Variants in PRKG1 observed in about 807,000 individuals in gnomAD.
PRKG1 encodes the protein protein kinase cGMP-dependent 1.
In PRKG1, 35 loss-of-function variants were observed where a neutral mutation model predicts 88.1. The observed-to-expected ratio is 0.40, with a 90% CI of 0.30 to 0.53. The LOEUF is 0.53. Among genes scored for constraint, PRKG1 ranks in the 20% least tolerant of loss-of-function variants. The probability of loss-of-function intolerance (pLI) is 0.59; values close to 1 mark genes in which losing one functional copy is unlikely to be tolerated. For missense variants in PRKG1, 540 were observed against 839.8 expected, an observed-to-expected ratio of 0.64 and a Z score of 4.41; for synonymous variants, 303 against 292.5, an observed-to-expected ratio of 1.04 and a Z score of -0.37.
intron 3 of PRKG1, among the ~76,000 whole-genome samples, chr10:51,614,073 A>C (rs1838981876): frequency 6.6e-6 from 1 of 151,842 alleles, no homozygotes; most frequent in South Asian, 2.1e-4. Flanking sequence ...TGATTTGTCT[A>C]ATGCTGAGAG....
chr10:52,198,882 G>C (rs1421683777), intron 9 of PRKG1, among the ~76,000 whole-genome samples: 2 of 151,912 alleles, frequency 1.3e-5, no homozygotes, highest in South Asian at 4.2e-4. Context: ...GCATACTTGA[G>C]ATAGTATTTA....
intron 2 of PRKG1, among the ~76,000 whole-genome samples, chr10:51,232,135 G>A (rs1290818835): frequency 6.6e-6 from 1 of 152,122 alleles, no homozygotes; most frequent in Non-Finnish European, 1.5e-5. Context: ...AGCAATTTCT[G>A]TGGGCATGTG....
At chr10:52,023,673 C>A (rs960834027) in intron 5 of PRKG1, among the ~76,000 whole-genome samples, 4 of 152,246 alleles carry the variant, frequency 2.6e-5, no homozygotes, top group African/African-American at 9.6e-5. Context: ...CCAGTGATGG[C>A]GAGCATTTTT....
intron 2 of PRKG1, among the ~76,000 whole-genome samples, chr10:51,340,902 A>G (rs866631258): frequency 6.6e-6 from 1 of 152,146 alleles, no homozygotes; most frequent in African/African-American, 2.4e-5. Flanking sequence ...TTAAAAACCA[A>G]AGTTCTCAGT....
intron 2 of PRKG1, among the ~76,000 whole-genome samples, chr10:51,437,143 A>G (rs546210605): frequency 2.6e-4 from 39 of 152,090 alleles, no homozygotes; most frequent in Non-Finnish European, 4.4e-4. Context: ...ACTAGGAGAG[A>G]TAATTTTTCC....
At chr10:52,012,466 TCTC>T (rs1342196521) in intron 5 of PRKG1, among the ~76,000 whole-genome samples, 1 of 152,020 alleles carries the variant, frequency 6.6e-6, no homozygotes, top group Non-Finnish European at 1.5e-5. Context: ...ATGGTCTCGA[TCTC>T]CTGACCTCGT....
chr10:51,603,287 A>T (rs1290211351), intron 3 of PRKG1, among the ~76,000 whole-genome samples: 1 of 152,176 alleles, frequency 6.6e-6, no homozygotes, highest in Admixed American at 6.5e-5. Flanking sequence ...ACTATAAGGC[A>T]CACTAGAAAC....
At chr10:52,293,701 A>G in intron 17 of PRKG1, 101 bp from the exon 18 acceptor site, 2 of 873,922 alleles carry the variant, frequency 2.3e-6, no homozygotes, top group Admixed American at 2.0e-5. Context: ...ACTCAATGAA[A>G]TAGTCACTAA....
intron 1 of PRKG1, among the ~76,000 whole-genome samples, chr10:51,137,611 T>G (rs1190263449): frequency 6.6e-6 from 1 of 152,128 alleles, no homozygotes; most frequent in East Asian, 1.9e-4. Flanking sequence ...TAAATTTTCT[T>G]GAAAGAAAAG....
intron 1 of PRKG1, among the ~76,000 whole-genome samples, chr10:51,108,035 C>A (rs764076015): frequency 2.6e-5 from 4 of 152,022 alleles, no homozygotes; most frequent in Non-Finnish European, 5.9e-5. Flanking sequence ...AAGGCACATA[C>A]TACCAAAGCT....
At chr10:52,034,716 T>A (rs538742605) in intron 5 of PRKG1, among the ~76,000 whole-genome samples, 31 of 151,902 alleles carry the variant, frequency 2.0e-4, no homozygotes, top group Non-Finnish European at 3.8e-4. Flanking sequence ...GAGCAGGGCA[T>A]GTATGAGTAG....
At chr10:51,884,425 A>C (rs1164948646) in intron 4 of PRKG1, among the ~76,000 whole-genome samples, 1 of 97,712 alleles carries the variant, frequency 1.0e-5, no homozygotes, top group Non-Finnish European at 2.0e-5. Context: ...AGCCTGGGCG[A>C]CAGAGTGAAA....
intron 10 of PRKG1, among the ~76,000 whole-genome samples, chr10:52,265,330 G>A (rs1265889972): frequency 1.3e-5 from 2 of 152,030 alleles, no homozygotes; most frequent in Non-Finnish European, 2.9e-5. Flanking sequence ...CACTTCATAT[G>A]GGACTTTTGC....
intron 3 of PRKG1, among the ~76,000 whole-genome samples, chr10:51,701,591 A>G (rs1841468529): frequency 6.6e-6 from 1 of 152,234 alleles, no homozygotes; most frequent in South Asian, 2.1e-4. Flanking sequence ...GGTTAAGGAT[A>G]GTATCATTTA....
chr10:51,087,250 A>G (rs530254932), intron 1 of PRKG1, among the ~76,000 whole-genome samples: 2 of 152,260 alleles, frequency 1.3e-5, no homozygotes, highest in East Asian at 1.9e-4. Context: ...GAAAGTAGTA[A>G]TTGTTACTTT....
At chr10:51,126,837 A>C (rs1321896166) in intron 1 of PRKG1, among the ~76,000 whole-genome samples, 1 of 152,150 alleles carries the variant, frequency 6.6e-6, no homozygotes, top group Non-Finnish European at 1.5e-5. Context: ...ATCTTCAACA[A>C]ACCTGACAAA....
At chr10:51,999,232 G>A (rs1194995282) in intron 5 of PRKG1, among the ~76,000 whole-genome samples, 1 of 152,178 alleles carries the variant, frequency 6.6e-6, no homozygotes, top group African/African-American at 2.4e-5. Context: ...TTACTCCCTT[G>A]TGTCTGCTTC....
chr10:51,597,246 G>T (rs1838476025), intron 3 of PRKG1, among the ~76,000 whole-genome samples: 1 of 151,654 alleles, frequency 6.6e-6, no homozygotes, highest in African/African-American at 2.4e-5. Flanking sequence ...CTTTTTAAAA[G>T]AATTCCCTTT....
intron 2 of PRKG1, among the ~76,000 whole-genome samples, chr10:51,366,328 T>C (rs1335411391): frequency 6.6e-6 from 1 of 151,908 alleles, no homozygotes; most frequent in Non-Finnish European, 1.5e-5. Flanking sequence ...TAAGTGGATA[T>C]TAAAAAGCCA....
Sources: gnomAD v4.1 joint callset for allele counts (sites outside exome capture counted in the v4.1 genomes callset) on GRCh38, gnomAD v4.1.1 for gene constraint, MANE v1.5 for transcripts, NCBI Gene and HGNC (gene_info 2026-07-23, HGNC 2026-07-21) for gene names.